Variants in ABCA1 observed in about 807,000 individuals in gnomAD.
The protein encoded by ABCA1 is phospholipid-transporting ATPase ABCA1.
ABCA1 carries 133 observed loss-of-function variants against 262.5 expected under a neutral mutation model. That is an observed-to-expected ratio of 0.51 (90% CI 0.44 to 0.59). The LOEUF is 0.59. Ranked by LOEUF, ABCA1 falls within the 20% of genes least tolerant of loss-of-function variation. The probability of loss-of-function intolerance (pLI) is 0.00; values close to 1 mark genes in which losing one functional copy is unlikely to be tolerated. For synonymous variants in ABCA1, 1,022 were observed against 1,043.5 expected (o/e 0.98, Z 0.40); for missense variants, 2,452 against 2,777.5 (o/e 0.88, Z 2.63).
At chr9:104,874,812 C>T (rs1188623930) in intron 5 of ABCA1, among the ~76,000 whole-genome samples, 24 of 137,418 alleles carry the variant, frequency 1.7e-4, no homozygotes, top group Non-Finnish European at 2.7e-4. Flanking sequence ...CCGCCCCGTC[C>T]GGGAGGGAGG....
At chr9:104,874,425 C>T (rs1331494652) in intron 5 of ABCA1, among the ~76,000 whole-genome samples, 1 of 152,030 alleles carries the variant, frequency 6.6e-6, no homozygotes, top group South Asian at 2.1e-4. Flanking sequence ...ATTAGCCAGG[C>T]CTGGTGGTAA....
intron 1 of ABCA1, among the ~76,000 whole-genome samples, chr9:104,916,208 T>A (rs533443868): frequency 4.0e-5 from 6 of 151,852 alleles, no homozygotes; most frequent in South Asian, 4.2e-4. Flanking sequence ...AAAAAAAAAA[T>A]AAAAATAAAA....
In ABCA1 at chr9:104,812,584, A is replaced by C; in HGVS notation, c.4040T>G (p.Phe1347Cys). 1 of 1,614,162 alleles carries C rather than the reference A, an allele frequency of 6.2e-7. No homozygotes were observed. Among genetic ancestry groups the C allele is most frequent in the African/African-American group, 1.3e-5 (1 of 75,038 alleles). Residue 1347 changes from phenylalanine (F) to cysteine (C), a missense_variant, in exon 28 of 50, where the codon TTT (phenylalanine) becomes TGT (cysteine). Transcript: ENST00000374736. ...LLIARRSRKG[F>C]FAQIVLPAVF... ...AACAGCACGTCTCACCTGAGCAAAAAATCCTTTCCGACTCCGTCTGGCAAT... is the reference window on the plus strand; with the variant it reads ...AACAGCACGTCTCACCTGAGCAAAACATCCTTTCCGACTCCGTCTGGCAAT...
intron 11 of ABCA1, among the ~76,000 whole-genome samples, chr9:104,835,575 T>C (rs1564155470): frequency 6.6e-6 from 1 of 152,164 alleles, no homozygotes; most frequent in Non-Finnish European, 1.5e-5. Context: ...CCTTCTTCAA[T>C]TCATCCACCC....
chr9:104,807,703 C>T (rs973236619), intron 30 of ABCA1, among the ~76,000 whole-genome samples: 34 of 151,610 alleles, frequency 2.2e-4, no homozygotes, highest in African/African-American at 3.9e-4. Context: ...ATCCCAGCTA[C>T]TCAGGAGGCT....
At chr9:104,916,730 A>G (rs1841865528) in intron 1 of ABCA1, among the ~76,000 whole-genome samples, 1 of 152,140 alleles carries the variant, frequency 6.6e-6, no homozygotes, top group Non-Finnish European at 1.5e-5. Flanking sequence ...CCCAGGCTGG[A>G]GGGCAGTGGC....
intron 5 of ABCA1, among the ~76,000 whole-genome samples, chr9:104,864,722 C>T (rs962623729): frequency 6.6e-6 from 1 of 152,096 alleles, no homozygotes; most frequent in Non-Finnish European, 1.5e-5. Flanking sequence ...TTCAAAACAG[C>T]TCCCTCCTTC....
intron 5 of ABCA1, among the ~76,000 whole-genome samples, chr9:104,879,131 T>A (rs1439297127): frequency 1.3e-5 from 2 of 151,628 alleles, no homozygotes; most frequent in Non-Finnish European, 2.9e-5. Flanking sequence ...TTTAAGGCAG[T>A]CTCCTCCACT....
At chr9:104,868,731 CAT>C (rs1002814622) in intron 5 of ABCA1, among the ~76,000 whole-genome samples, 14 of 152,174 alleles carry the variant, frequency 9.2e-5, no homozygotes, top group Admixed American at 3.3e-4. Context: ...AAACAGGTGA[CAT>C]GTGTGTTTGT....
chr9:104,846,952 CG>C (rs1257798873), intron 7 of ABCA1, among the ~76,000 whole-genome samples: 2 of 152,072 alleles, frequency 1.3e-5, no homozygotes, highest in African/African-American at 4.8e-5. Context: ...CACTAGAAGC[CG>C]AACCTAGGGA....
At chr9:104,833,260 C>T (rs1261109755) in intron 11 of ABCA1, among the ~76,000 whole-genome samples, 1 of 152,220 alleles carries the variant, frequency 6.6e-6, no homozygotes, top group Non-Finnish European at 1.5e-5. Context: ...CAGCTCACCG[C>T]AGCCTTGACC....
chr9:104,860,755 C>CTTTTT (rs762423202), intron 6 of ABCA1, among the ~76,000 whole-genome samples: 63 of 115,828 alleles, frequency 5.4e-4, no homozygotes, highest in African/African-American at 1.6e-3. Flanking sequence ...TTATAAAATT[C>CTTTTT]TTTTTTTTTT....
chr9:104,852,784 C>T (rs941601495), intron 7 of ABCA1, among the ~76,000 whole-genome samples: 7 of 152,148 alleles, frequency 4.6e-5, no homozygotes, highest in Non-Finnish European at 1.5e-5. Flanking sequence ...TCACACAAAG[C>T]CAAACAAAAT....
intron 1 of ABCA1, among the ~76,000 whole-genome samples, chr9:104,914,094 C>T (rs1211788053): frequency 6.6e-6 from 1 of 151,922 alleles, no homozygotes; most frequent in Non-Finnish European, 1.5e-5. Context: ...CCACCGCACC[C>T]GGCCCCCTAC....
At chr9:104,900,376 G>A (rs1170934755) in intron 2 of ABCA1, among the ~76,000 whole-genome samples, 2 of 152,146 alleles carry the variant, frequency 1.3e-5, no homozygotes, top group African/African-American at 2.4e-5. Flanking sequence ...GAGGCCAAGC[G>A]TATACACTCC....
chr9:104,874,526 G>A (rs115327636), intron 5 of ABCA1, among the ~76,000 whole-genome samples: 2,678 of 152,050 alleles, frequency 0.018, 90 homozygotes, highest in African/African-American at 0.061. Context: ...AGATCGTGCC[G>A]CTCCACTCAC....
chr9:104,855,253 G>A, intron 7 of ABCA1: 1 of 738,196 alleles, frequency 1.4e-6, no homozygotes. Context: ...CTGGAATGCA[G>A]TGGAGTGATC....
intron 47 of ABCA1, 55 bp from the exon 48 acceptor site, chr9:104,786,445 G>A: frequency 6.8e-7 from 1 of 1,467,880 alleles, no homozygotes; most frequent in Non-Finnish European, 9.5e-7. Context: ...GTAACCATGA[G>A]AACATCACCA....
In ABCA1 at chr9:104,781,526, G is replaced by A. The variant is rs1263206237; in HGVS notation, c.*2789C>T. On this transcript the variant is annotated 3_prime_UTR_variant, in exon 50 of 50. Coordinates refer to ENST00000374736, the MANE Select transcript of ABCA1 (RefSeq NM_005502.4). ...TATACAACCACAAGAAGAAAACACA[G>A]ACAAATGGCTTTAGTCAATGATTAC... 1 of 152,478 alleles carries A rather than the reference G, an allele frequency of 6.6e-6. No individual in the cohort carries two copies. Among genetic ancestry groups the A allele is most frequent in the African/African-American group, 2.4e-5 (1 of 41,420 alleles). 9.4% of individuals were successfully genotyped at this position (152,478 alleles called of 1,614,324 possible).
Sources: allele counts gnomAD v4.1 joint callset (sites outside exome capture counted in the v4.1 genomes callset), GRCh38; gene constraint gnomAD v4.1.1; transcripts MANE v1.5; gene names NCBI Gene and HGNC (gene_info 2026-07-23, HGNC 2026-07-21).